Variants in COL25A1 observed in about 807,000 individuals in gnomAD.
COL25A1 encodes collagen type XXV alpha 1 chain.
Under a neutral mutation model 128.4 loss-of-function variants are expected in COL25A1, and 103 were observed. The observed-to-expected ratio is 0.80, with a 90% confidence interval of 0.68 to 0.94. The LOEUF (loss-of-function observed/expected upper bound fraction) is 0.94, where lower values mean the gene tolerates loss of function less well. COL25A1 is among the 40% of genes least tolerant of loss of function. The probability of loss-of-function intolerance (pLI) is 0.00; values close to 1 mark genes in which losing one functional copy is unlikely to be tolerated. For synonymous variants in COL25A1, 279 were observed against 277.2 expected, an observed-to-expected ratio of 1.01 and a Z score of -0.06; for missense variants, 745 against 840.0, an observed-to-expected ratio of 0.89 and a Z score of 1.40.
chr4:109,298,036 T>C (rs1377488887), intron 3 of COL25A1, among the ~76,000 whole-genome samples: 1 of 152,000 alleles, frequency 6.6e-6, no homozygotes, highest in African/African-American at 2.4e-5. Flanking sequence ...ACTGGGCTTT[T>C]AGTTCTATCA....
chr4:108,874,466 T>C (rs993868198), intron 19 of COL25A1, among the ~76,000 whole-genome samples: 1 of 40,038 alleles, frequency 2.5e-5, no homozygotes, highest in African/African-American at 5.3e-5. Flanking sequence ...ATCCAGAGGG[T>C]TTTTTTTATT....
At position 109,302,083 on chromosome 4, in the gene COL25A1, GA is replaced by G; in HGVS notation, c.-56-9del. 6.7e-7 allele frequency: 1 copy of G among 1,495,030 alleles called. No individual in the cohort carries two copies. Among genetic ancestry groups the G allele is most frequent in the Non-Finnish European group, 8.8e-7 (1 of 1,130,830 alleles). 92.6% of individuals were successfully genotyped at this position (1,495,030 alleles called of 1,614,324 possible). On this transcript the variant is annotated splice_polypyrimidine_tract_variant and intron_variant, in intron 1 of 37. Transcript: ENST00000399132. ...TCTACACCTCAAATAATCCTAAAAG[GA>G]AAGAAAAAGGTCGATTCCTCCAAAG... is the stretch of plus-strand genomic sequence containing the variant.
rs189357049 is a variant in COL25A1, at chr4:108,817,279, C to G, written c.1962+118G>C. ...GTAAATATACTGATCAAAAGATATT[C>G]TGGAGATGAAATCTTTTGCTTTTTA... is the stretch of plus-strand genomic sequence containing the variant. On this transcript the variant is annotated intron_variant, in intron 37 of 37. Coordinates refer to ENST00000399132, the MANE Select transcript of COL25A1 (RefSeq NM_198721.4). 60 of 859,090 alleles carry G rather than the reference C, an allele frequency of 7.0e-5. 3 individuals are homozygous for G. In the Middle Eastern group the frequency reaches 2.0e-3, roughly 29 times the overall value. 53.2% of individuals were successfully genotyped at this position (859,090 alleles called of 1,614,324 possible).
intron 3 of COL25A1, among the ~76,000 whole-genome samples, chr4:109,115,648 T>G (rs1293931903): frequency 6.6e-6 from 1 of 152,076 alleles, no homozygotes; most frequent in Non-Finnish European, 1.5e-5. Context: ...AGGATGTACC[T>G]TCAGGAGAAG....
At chr4:109,083,494 G>A (rs1384961836) in intron 3 of COL25A1, among the ~76,000 whole-genome samples, 5 of 107,786 alleles carry the variant, frequency 4.6e-5, no homozygotes, top group African/African-American at 1.9e-4. Flanking sequence ...ACGGAGTCTC[G>A]CTCTGTCGCC....
intron 13 of COL25A1, among the ~76,000 whole-genome samples, chr4:108,917,383 G>A (rs1744999560): frequency 6.6e-6 from 1 of 152,084 alleles, no homozygotes; most frequent in Non-Finnish European, 1.5e-5. Flanking sequence ...AGTATAAAAG[G>A]GCCAGGCCAA....
rs374553673 is a variant in COL25A1 at position 109,235,608 on chromosome 4, T to A, written c.367+64975A>T. On this transcript the variant is annotated intron_variant, in intron 3 of 37. Transcript: ENST00000399132. ...TGGGAGACTTACTGATTCAAGAAAT[T>A]TAAGGATATCTCAGTCTAACCATTA... Among the ~76,000 whole-genome samples the A allele has an allele frequency of 1.2e-4, 18 of 151,750 alleles. No individual in the cohort carries two copies. In the East Asian group the frequency reaches 2.3e-3, roughly 20 times the overall value.
At chr4:108,949,477 C>A (rs375108050) in intron 8 of COL25A1, among the ~76,000 whole-genome samples, 5 of 152,212 alleles carry the variant, frequency 3.3e-5, no homozygotes, top group Admixed American at 6.5e-5. Context: ...CCAAGAGTCA[C>A]CCCCTGACAA....
intron 18 of COL25A1, among the ~76,000 whole-genome samples, chr4:108,886,483 TGTGTG>T (rs1560806397): frequency 0.016 from 2,193 of 133,952 alleles, 43 homozygotes; most frequent in Non-Finnish European, 0.022. Flanking sequence ...TGTGTGTGTG[TGTGTG>T]TGTGTTTAGC....
intron 19 of COL25A1, among the ~76,000 whole-genome samples, chr4:108,869,405 CG>C (rs1738427199): frequency 6.6e-6 from 1 of 152,010 alleles, no homozygotes; most frequent in Admixed American, 6.6e-5. Context: ...AATCCTGAGT[CG>C]GGGGGAGGGG....
In COL25A1 at chr4:108,897,348, G is replaced by A. The variant is rs1234037324; in HGVS notation, c.862-637C>T. On this transcript the variant is annotated intron_variant, in intron 15 of 37. Transcript: ENST00000399132. The stretch of plus-strand genomic sequence containing the variant: ...GTTATTTTTGAGACTTCCTATGCCT[G>A]TTCCCTCACTGACATCTCTTTTCTG... Among the ~76,000 whole-genome samples, 5 of 152,286 alleles carry A rather than the reference G, an allele frequency of 3.3e-5. No homozygotes were observed. The East Asian group carries it at 9.6e-4, about 29-fold the overall frequency.
At chr4:109,271,504 T>G (rs1228156576) in intron 3 of COL25A1, among the ~76,000 whole-genome samples, 1 of 152,218 alleles carries the variant, frequency 6.6e-6, no homozygotes, top group Non-Finnish European at 1.5e-5. Flanking sequence ...AGACCAACTA[T>G]GTCAACATCC....
chr4:109,146,220 A>C (rs984528561), intron 3 of COL25A1, among the ~76,000 whole-genome samples: 1 of 152,164 alleles, frequency 6.6e-6, no homozygotes, highest in African/African-American at 2.4e-5. Flanking sequence ...GTTAAGTAAA[A>C]ATGTATTTTC....
chr4:108,915,183 T>A (rs1744723938), intron 13 of COL25A1, among the ~76,000 whole-genome samples: 1 of 152,186 alleles, frequency 6.6e-6, no homozygotes, highest in South Asian at 2.1e-4. Flanking sequence ...GAAAGACCAT[T>A]ACAAAAATAA....
chr4:109,272,768 G>C (rs1227952298), intron 3 of COL25A1, among the ~76,000 whole-genome samples: 1 of 152,148 alleles, frequency 6.6e-6, no homozygotes, highest in Non-Finnish European at 1.5e-5. Flanking sequence ...CATCTGAACT[G>C]ACATTTGAGC....
intron 31 of COL25A1, among the ~76,000 whole-genome samples, chr4:108,833,777 T>C (rs1733447504): frequency 6.6e-6 from 1 of 152,194 alleles, no homozygotes; most frequent in Non-Finnish European, 1.5e-5. Flanking sequence ...AAGTTCACCT[T>C]CAGAAGACTT....
intron 20 of COL25A1, among the ~76,000 whole-genome samples, chr4:108,866,030 C>T (rs754907854): frequency 2.6e-5 from 4 of 152,186 alleles, no homozygotes; most frequent in Non-Finnish European, 4.4e-5. Context: ...TCTTCCTTGT[C>T]CACACTACAA....
intron 3 of COL25A1, among the ~76,000 whole-genome samples, chr4:109,181,502 C>T (rs1297455720): frequency 2.0e-5 from 3 of 151,946 alleles, no homozygotes; most frequent in Admixed American, 6.6e-5. Context: ...AAAAATATTG[C>T]TGTGTATCTT....
intron 22 of COL25A1, among the ~76,000 whole-genome samples, chr4:108,861,294 A>T (rs1000467605): frequency 6.6e-6 from 1 of 152,196 alleles, no homozygotes; most frequent in African/African-American, 2.4e-5. Flanking sequence ...TTACCTTGCA[A>T]ATTGAGCCAT....
Sources: allele counts gnomAD v4.1 joint callset (sites outside exome capture counted in the v4.1 genomes callset), GRCh38; gene constraint gnomAD v4.1.1; transcripts MANE v1.5; gene names NCBI Gene and HGNC (gene_info 2026-07-23, HGNC 2026-07-21).